UNC5D: variants seen among roughly 807,000 people sequenced by gnomAD.
The protein encoded by UNC5D is netrin receptor UNC5D.
Under a neutral mutation model 105.4 loss-of-function variants are expected in UNC5D, and 39 were observed. The observed-to-expected ratio is 0.37, with a 90% CI of 0.29 to 0.48. The LOEUF is 0.48. Among genes scored for constraint, UNC5D ranks in the 20% least tolerant of loss-of-function variants. The probability of loss-of-function intolerance (pLI) is 0.98; values close to 1 mark genes in which losing one functional copy is unlikely to be tolerated. For missense variants in UNC5D, 991 were observed against 1,202.4 expected, an observed-to-expected ratio of 0.82 and a Z score of 2.60; for synonymous variants, 452 against 450.4, an observed-to-expected ratio of 1.00 and a Z score of -0.04.
At chr8:35,324,233 CAA>C (rs569409228) in intron 1 of UNC5D, among the ~76,000 whole-genome samples, 21 of 62,794 alleles carry the variant, frequency 3.3e-4, no homozygotes, top group African/African-American at 7.7e-4. Flanking sequence ...ACCCTGTCTC[CAA>C]AAAAAAAAAA....
intron 3 of UNC5D, among the ~76,000 whole-genome samples, chr8:35,580,951 A>G (rs1233621013): frequency 6.6e-6 from 1 of 152,196 alleles, no homozygotes; most frequent in African/African-American, 2.4e-5. Flanking sequence ...GTGAGGAAGT[A>G]GAGGTCAGAA....
At chr8:35,371,360 A>C (rs1392296421) in intron 1 of UNC5D, among the ~76,000 whole-genome samples, 1 of 152,176 alleles carries the variant, frequency 6.6e-6, no homozygotes, top group Non-Finnish European at 1.5e-5. Flanking sequence ...CAGTGTTCCT[A>C]CTTCCAGGCC....
intron 4 of UNC5D, among the ~76,000 whole-genome samples, chr8:35,612,502 T>A (rs1820747729): frequency 6.6e-6 from 1 of 151,832 alleles, no homozygotes; most frequent in South Asian, 2.1e-4. Context: ...GAAGAGGAAA[T>A]GAAGGTCTTA....
chr8:35,335,756 ATTTTTTTTT>A (rs35774459), intron 1 of UNC5D, among the ~76,000 whole-genome samples: 1 of 90,484 alleles, frequency 1.1e-5, no homozygotes, highest in Admixed American at 1.5e-4. Flanking sequence ...AGAGATTGCA[ATTTTTTTTT>A]TTTTTTTTTT....
Position 35,705,546 on chromosome 8 carries a change from T to C in UNC5D, c.1085-383T>C, listed in dbSNP as rs192237714. Among the ~76,000 whole-genome samples, 481 of 152,352 alleles carry C rather than the reference T, an allele frequency of 3.2e-3. 3 individuals carry two copies. The highest frequency in any genetic ancestry group is 3.4e-3 in the Non-Finnish European group (232 of 68,032). ...CTTTAAATATTTATTTGCTGGTTCA[T>C]TTTTCTATCATCTAGAGTGAAACAG... On this transcript the variant is annotated intron_variant, in intron 7 of 16. Transcript: ENST00000404895.
At chr8:35,349,074 T>C (rs1229356014) in intron 1 of UNC5D, among the ~76,000 whole-genome samples, 2 of 151,918 alleles carry the variant, frequency 1.3e-5, no homozygotes, top group Non-Finnish European at 2.9e-5. Context: ...CTGATTCTCA[T>C]ATTTGGTTCT....
At chr8:35,510,252 C>A (rs778946853) in intron 1 of UNC5D, among the ~76,000 whole-genome samples, 1 of 148,754 alleles carries the variant, frequency 6.7e-6, no homozygotes, top group Non-Finnish European at 1.5e-5. Flanking sequence ...TTCCAGTGAC[C>A]AGCCCCCACC....
intron 1 of UNC5D, among the ~76,000 whole-genome samples, chr8:35,461,937 C>T (rs1808923246): frequency 6.6e-6 from 1 of 152,112 alleles, no homozygotes; most frequent in Admixed American, 6.6e-5. Flanking sequence ...ATGTTTAGAA[C>T]TGGAAGGGGT....
At chr8:35,716,297 T>A (rs1305423108) in intron 8 of UNC5D, among the ~76,000 whole-genome samples, 1 of 152,226 alleles carries the variant, frequency 6.6e-6, no homozygotes, top group Non-Finnish European at 1.5e-5. Flanking sequence ...TTTATGAGGA[T>A]GAGAATGTGA....
At chr8:35,305,151 A>G (rs1042769657) in intron 1 of UNC5D, among the ~76,000 whole-genome samples, 2 of 152,260 alleles carry the variant, frequency 1.3e-5, no homozygotes, top group Admixed American at 1.3e-4. Context: ...ATTTGAAAAC[A>G]TATGAAAGAG....
intron 4 of UNC5D, among the ~76,000 whole-genome samples, chr8:35,671,842 C>T (rs1193279963): frequency 6.6e-6 from 1 of 151,892 alleles, no homozygotes; most frequent in Non-Finnish European, 1.5e-5. Context: ...ATGGCATCTA[C>T]TTGGAATACA....
intron 3 of UNC5D, among the ~76,000 whole-genome samples, chr8:35,585,828 G>A (rs1382399933): frequency 2.0e-5 from 3 of 151,472 alleles, no homozygotes; most frequent in Non-Finnish European, 4.4e-5. Flanking sequence ...TGTTCCAGAT[G>A]TATAGGAATC....
At chr8:35,589,787 A>G (rs760802346) in intron 3 of UNC5D, among the ~76,000 whole-genome samples, 1 of 152,164 alleles carries the variant, frequency 6.6e-6, no homozygotes, top group Admixed American at 6.5e-5. Context: ...TTCACCTAGC[A>G]TAGCATTTTT....
intron 11 of UNC5D, among the ~76,000 whole-genome samples, chr8:35,734,694 G>A (rs756543347): frequency 5.3e-5 from 8 of 151,818 alleles, no homozygotes; most frequent in Non-Finnish European, 1.2e-4. Flanking sequence ...ATAGGTGTGA[G>A]CCACCACGCC....
chr8:35,442,902 TCTCACACA>T (rs751947995), intron 1 of UNC5D, among the ~76,000 whole-genome samples: 101 of 131,782 alleles, frequency 7.7e-4, no homozygotes, highest in African/African-American at 2.9e-3. Context: ...TCTCTCTCTC[TCTCACACA>T]CACACACACA....
intron 7 of UNC5D, among the ~76,000 whole-genome samples, chr8:35,695,130 G>A (rs1462339526): frequency 6.6e-6 from 1 of 152,150 alleles, no homozygotes; most frequent in Non-Finnish European, 1.5e-5. Context: ...ACTGTCCGCT[G>A]TCAAAAAGAG....
At chr8:35,468,667 G>A (rs1051627398) in intron 1 of UNC5D, among the ~76,000 whole-genome samples, 3 of 152,178 alleles carry the variant, frequency 2.0e-5, no homozygotes, top group Non-Finnish European at 2.9e-5. Flanking sequence ...ATGGTTTCCA[G>A]CACTAACTAC....
chr8:35,555,853 T>G (rs1816504024), intron 2 of UNC5D, among the ~76,000 whole-genome samples: 1 of 141,328 alleles, frequency 7.1e-6, no homozygotes, highest in South Asian at 2.3e-4. Context: ...AAAGAATAAT[T>G]ATAAAGATCT....
At chr8:35,664,843 T>G (rs951259011) in intron 4 of UNC5D, among the ~76,000 whole-genome samples, 1 of 149,994 alleles carries the variant, frequency 6.7e-6, no homozygotes, top group African/African-American at 2.5e-5. Context: ...TTATTTTATT[T>G]TATTTTTATT....
Sources: gnomAD v4.1 joint callset for allele counts (sites outside exome capture counted in the v4.1 genomes callset) on GRCh38, gnomAD v4.1.1 for gene constraint, MANE v1.5 for transcripts, NCBI Gene and HGNC (gene_info 2026-07-23, HGNC 2026-07-21) for gene names.